Variants in TSC2 observed in about 807,000 individuals in gnomAD.
TSC2 encodes the protein tuberin.
TSC2 carries 29 observed loss-of-function variants against 202.2 expected under a neutral mutation model. The ratio of observed to expected loss-of-function variants is 0.14; its 90% CI spans 0.11 to 0.20. TSC2 has a LOEUF of 0.20. Ranked by LOEUF, TSC2 falls within the 10% of genes least tolerant of loss-of-function variation. The probability of loss-of-function intolerance (pLI) is 1.00; values close to 1 mark genes in which losing one functional copy is unlikely to be tolerated. For synonymous variants in TSC2, 1,349 were observed against 1,044.0 expected (o/e 1.29, Z -5.63); for missense variants, 2,429 against 2,420.0 (o/e 1.00, Z -0.08).
At chr16:2,058,221 C>T (rs549024312) in intron 9 of TSC2, among the ~76,000 whole-genome samples, 7 of 152,190 alleles carry the variant, frequency 4.6e-5, no homozygotes, top group Non-Finnish European at 8.8e-5. Flanking sequence ...CCACCCCCTG[C>T]ATCTCTCCTT....
At chr16:2,083,632 G>C in intron 32 of TSC2, 63 bp from the exon 33 acceptor site, 3 of 1,549,714 alleles carry the variant, frequency 1.9e-6, no homozygotes, top group Non-Finnish European at 1.7e-6. Context: ...GTTCTCGGAG[G>C]CCACGTCAGG....
intron 32 of TSC2, 187 bp downstream of exon 32, chr16:2,082,691 T>C (rs1360663841): frequency 1.5e-6 from 1 of 682,232 alleles, no homozygotes; most frequent in Non-Finnish European, 2.6e-6. Flanking sequence ...TCCCCTTGAC[T>C]TGGTCCCTTT....
rs45514100 is a variant in TSC2, at chr16:2,079,093, C to G, written c.3028C>G (p.Gln1010Glu). The change falls in exon 27 of 42, where the codon CAG (glutamine) becomes GAG (glutamate). Residue 1010 changes from glutamine to glutamate, a missense_variant. Transcript: ENST00000219476. The surrounding 1 kb of genome is among the most constrained non-coding windows in gnomAD (Gnocchi z 4.6). ...GTCTGCAGATGAGAACTCCGTGGCC[C>G]AGGCTGACGATAGCCTGAAAAACCT... ...LGSADENSVA[Q>E]ADDSLKNLHL... 3 of 1,612,924 alleles carry G rather than the reference C, an allele frequency of 1.9e-6. No individual in the cohort carries two copies. The highest frequency in any genetic ancestry group is 1.3e-5 in the African/African-American group (1 of 74,940).
At chr16:2,071,983 A>C (rs1358617753) in intron 19 of TSC2, 49 bp downstream of exon 19, 1 of 1,528,932 alleles carries the variant, frequency 6.5e-7, no homozygotes, top group African/African-American at 1.4e-5. Context: ...GGCCAGGAGG[A>C]CAGGGAGCTG....
chr16:2,058,032 C>T (rs990567553), intron 9 of TSC2, among the ~76,000 whole-genome samples: 7 of 137,918 alleles, frequency 5.1e-5, no homozygotes, highest in African/African-American at 1.9e-4. Flanking sequence ...CCAGCCCTGC[C>T]TCGGCCCTGC....
In TSC2 at chr16:2,079,761, G is replaced by C; in HGVS notation, c.3397+92G>C. ...GTTCAGGAAGGCCCCGAGCCCAGGG[G>C]CCGGGGTGGCTGGCTTCAGGCCCGG... On this transcript the variant is annotated intron_variant, in intron 29 of 41. Transcript: ENST00000219476. This position sits in a 1 kb window ranked among gnomAD's most constrained non-coding sequence, Gnocchi z 4.6. The C allele has an allele frequency of 7.4e-7, 1 of 1,354,518 alleles. No individual in the cohort carries two copies. The highest frequency in any genetic ancestry group is 1.0e-6 in the Non-Finnish European group (1 of 1,001,234). The allele number at this position is 1,354,518 out of a possible 1,614,324, so 83.9% of individuals were successfully genotyped here. A position where few individuals can be genotyped will look rare whatever the true frequency, so the allele number is the denominator to read the frequency against.
rs1460403520 is a variant in TSC2 at position 2,072,229 on chromosome 16, C to A, written c.2098-12C>A. On this transcript the variant is annotated splice_polypyrimidine_tract_variant and intron_variant, in intron 19 of 41. Transcript: ENST00000219476. ...CCAGAAGGCCCTGTCCTGACGCCTC[C>A]TCTCCTCGCAGGAGTCTGACTGGAA... The A allele has an allele frequency of 6.2e-7, 1 of 1,613,968 alleles. No homozygotes were observed.
intron 6 of TSC2, 79 bp from the exon 7 acceptor site, chr16:2,056,117 T>C (rs955429206): frequency 6.3e-7 from 1 of 1,586,798 alleles, no homozygotes; most frequent in Non-Finnish European, 8.6e-7. Flanking sequence ...ATTGACGTCA[T>C]AGAGTGACTA....
intron 22 of TSC2, 82 bp from the exon 23 acceptor site, chr16:2,075,717 C>T (rs2151378250): frequency 6.8e-7 from 1 of 1,469,124 alleles, no homozygotes; most frequent in South Asian, 1.1e-5. Context: ...CCCATCGCTG[C>T]CGTGGGCAGA....
Position 2,064,358 on chromosome 16 carries a change from G to C in TSC2, c.1530G>C (p.Gln510His), listed in dbSNP as rs1360209954. 1.2e-6 allele frequency: 2 copies of C among 1,613,800 alleles called. No individual in the cohort carries two copies. The highest frequency in any genetic ancestry group is 1.7e-6 in the Non-Finnish European group (2 of 1,180,030). ...KDHQVRKLAT[Q>H]LLVDLAEGCH... ...ACCAGGTCCGAAAGCTGGCCACCCA[G>C]TTGCTGGTGGACCTGGCAGAGGGCT... The change falls in exon 15 of 42, where the codon CAG becomes CAC. Residue 510 changes from glutamine (Q) to histidine (H), a missense_variant. By Grantham distance (24) the Gln-to-His change is conservative (BLOSUM62 0). Transcript: ENST00000219476.
rs772641112 is a variant in TSC2, at chr16:2,055,436, G to C, written c.516G>C (p.Leu172Phe). The change falls in exon 6 of 42, where the codon TTG becomes TTC. Residue 172 changes from leucine (L) to phenylalanine (F), a missense_variant. Coordinates refer to ENST00000219476, the MANE Select transcript of TSC2 (RefSeq NM_000548.5). ...TCCTGCAGTGGATGGATGTTGGCTT[G>C]TCCTCGGAATTCCTTCTGGTGCTGG... ...DFVLQWMDVGLSSEFLLVLVN... is the reference protein window; with the variant it reads ...DFVLQWMDVGFSSEFLLVLVN... 1 of 1,614,212 alleles carries C rather than the reference G, an allele frequency of 6.2e-7. No homozygotes were observed.
In TSC2 at chr16:2,088,791, C is replaced by A. The variant is rs1022828927; in HGVS notation, c.*181C>A. On this transcript the variant is annotated 3_prime_UTR_variant, in exon 42 of 42. Coordinates refer to ENST00000219476, the MANE Select transcript of TSC2 (RefSeq NM_000548.5). ...GTCGAGGCTCTAGAAGCGGCCATGC[C>A]CACAGAAGTGGTACACAGAAGCAGG... 9 of 821,538 alleles carry A rather than the reference C, an allele frequency of 1.1e-5. No individual in the cohort carries two copies. The highest frequency in any genetic ancestry group is 1.7e-5 in the Non-Finnish European group (9 of 536,776). The allele number at this position is 821,538 out of a possible 1,614,324, so 50.9% of individuals were successfully genotyped here. A position where few individuals can be genotyped will look rare whatever the true frequency, so the allele number is the denominator to read the frequency against.
chr16:2,085,472 G>A lies in TSC2; in HGVS notation c.4662+150G>A, dbSNP rs879478410. On this transcript the variant is annotated intron_variant, in intron 36 of 41. Transcript: ENST00000219476. Reference sequence around the variant, plus strand: ...AAGTGCTCATTGAGCTCTGTGCCAGGTGCTGCTCTGAGTGCTGGGGACCCC... The same window carrying A: ...AAGTGCTCATTGAGCTCTGTGCCAGATGCTGCTCTGAGTGCTGGGGACCCC... 7 of 883,074 alleles carry A rather than the reference G, an allele frequency of 7.9e-6. No homozygotes were observed. In the South Asian group the frequency reaches 1.1e-4, roughly 14 times the overall value. The allele number at this position is 883,074 out of a possible 1,614,324, so 54.7% of individuals were successfully genotyped here. A position where few individuals can be genotyped will look rare whatever the true frequency, so the allele number is the denominator to read the frequency against.
intron 32 of TSC2, chr16:2,083,160 C>G (rs995396923): frequency 2.2e-6 from 1 of 457,236 alleles, no homozygotes. Flanking sequence ...CTTCCTCTCC[C>G]CCTGTCCTGA....
rs1596346422 is a variant in TSC2, at chr16:2,072,174, G to C, written c.2098-67G>C. On this transcript the variant is annotated intron_variant, in intron 19 of 41. Transcript: ENST00000219476. ...TGTGCAGCCACAAAGCAGAGCCTCA[G>C]ATGCTAGCTTCCGCCTCTGTCTCTA... 28 of 1,609,314 alleles carry C rather than the reference G, an allele frequency of 1.7e-5. No individual in the cohort carries two copies. The East Asian group carries it at 4.5e-4, about 26-fold the overall frequency.
At chr16:2,066,626 G>A (rs1478212653) in intron 16 of TSC2, among the ~76,000 whole-genome samples, 2 of 150,130 alleles carry the variant, frequency 1.3e-5, no homozygotes, top group African/African-American at 2.4e-5. Flanking sequence ...ATCCACTCGA[G>A]CAGCATGTAA....
chr16:2,076,383 G>A, intron 24 of TSC2, 108 bp from the exon 25 acceptor site: 1 of 1,585,294 alleles, frequency 6.3e-7, no homozygotes, highest in Non-Finnish European at 8.6e-7. Context: ...CCGCCGCCTT[G>A]CCCCTAGCCT....
At position 2,088,073 on chromosome 16, in the gene TSC2, C is replaced by T. The variant is rs45514196; in HGVS notation, c.5094C>T (p.Ser1698=). Residue 1698 remains serine, a synonymous_variant, in exon 40 of 42, where the codon AGC becomes AGT. Transcript: ENST00000219476. ...ACATGGAGGGCCTTGTGGACACCAG[C>T]GTGGCCAAGATCGTGTCTGACCGCA... ...RKDMEGLVDT[S]VAKIVSDRNL... is the part of the protein sequence containing the mutation. 5.3e-5 allele frequency: 86 copies of T among 1,612,710 alleles called. No individual in the cohort carries two copies. The highest frequency in any genetic ancestry group is 2.9e-4 in the South Asian group (26 of 91,084).
Position 2,074,299 on chromosome 16 carries a change from A to T in TSC2, c.2455A>T (p.Ile819Phe). 1 of 1,613,158 alleles carries T rather than the reference A, an allele frequency of 6.2e-7. No individual in the cohort carries two copies. The change falls in exon 22 of 42, where the codon ATC becomes TTC. Residue 819 changes from isoleucine to phenylalanine, a missense_variant. Transcript: ENST00000219476. ...CTGCAGCGTGGAGATGCCTGACATC[A>T]TCATCAAGGCGCTGCCTGTTCTGGT... ...SICSVEMPDI[I>F]IKALPVLVVK... is the part of the protein sequence containing the mutation.
Sources: allele counts gnomAD v4.1 joint callset (sites outside exome capture counted in the v4.1 genomes callset), GRCh38; gene constraint gnomAD v4.1.1; non-coding constraint Gnocchi (gnomAD v3.1); transcripts MANE v1.5; gene names NCBI Gene and HGNC (gene_info 2026-07-23, HGNC 2026-07-21).